RNF38: variants seen among roughly 807,000 people sequenced by gnomAD.
RNF38 encodes ring finger protein 38.
RNF38 carries 15 observed loss-of-function variants against 67.2 expected under a neutral mutation model. The ratio of observed to expected loss-of-function variants is 0.22; its 90% CI spans 0.15 to 0.34. The LOEUF (loss-of-function observed/expected upper bound fraction) is 0.34. Among genes scored for constraint, RNF38 ranks in the 10% least tolerant of loss-of-function variants. RNF38 has a pLI of 1.00. For missense variants in RNF38, 524 were observed against 639.9 expected, an observed-to-expected ratio of 0.82 and a Z score of 1.95; for synonymous variants, 220 against 218.8, an observed-to-expected ratio of 1.01 and a Z score of -0.05.
chr9:36,440,191 A>G lies in RNF38; in HGVS notation n.242-15508T>C, dbSNP rs10972904. Among the ~76,000 whole-genome samples, 179 of 152,326 alleles carry G rather than the reference A, an allele frequency of 1.2e-3. 2 individuals carry two copies. In the East Asian group the frequency reaches 0.027, roughly 23 times the overall value. Reference sequence around the variant, plus strand: ...AATCTGGGAGGTAGAGGTTGCAGTGAGCTGAGATCATGCCACTACACTACA... The same window carrying G: ...AATCTGGGAGGTAGAGGTTGCAGTGGGCTGAGATCATGCCACTACACTACA... On this transcript the variant is annotated intron_variant and non_coding_transcript_variant, in intron 1 of 3. Transcript: ENST00000488058.
chr9:36,445,423 T>C (rs1018299500), intron 1 of RNF38, among the ~76,000 whole-genome samples: 1 of 152,262 alleles, frequency 6.6e-6, no homozygotes, highest in African/African-American at 2.4e-5. Context: ...ATTACTTATT[T>C]GTTGCATTCT....
chr9:36,457,872 A>G (rs935879616), intron 1 of RNF38, among the ~76,000 whole-genome samples: 6 of 152,170 alleles, frequency 3.9e-5, no homozygotes, highest in African/African-American at 1.4e-4. Flanking sequence ...AGGGGACTTC[A>G]GGAGGTCTAC....
intron 1 of RNF38, among the ~76,000 whole-genome samples, chr9:36,393,520 TGTGG>T (rs61639560): frequency 0.051 from 7,045 of 137,892 alleles, 219 homozygotes; most frequent in Non-Finnish European, 0.066. Flanking sequence ...TGTGTGTGTG[TGTGG>T]GGCAGGCAGT....
chr9:36,419,694 C>A (rs182467728), intron 2 of RNF38, among the ~76,000 whole-genome samples: 353 of 152,254 alleles, frequency 2.3e-3, no homozygotes, highest in Admixed American at 9.0e-3. Flanking sequence ...GGTGGCACGG[C>A]ATCTGTATTC....
intron 1 of RNF38, among the ~76,000 whole-genome samples, chr9:36,430,732 G>A (rs556644489): frequency 2.0e-5 from 3 of 151,992 alleles, no homozygotes; most frequent in South Asian, 2.1e-4. Flanking sequence ...TGAGGACTTC[G>A]GGCGGCGGGG....
At chr9:36,361,917 T>C (rs143744317) in intron 4 of RNF38, among the ~76,000 whole-genome samples, 64 of 152,306 alleles carry the variant, frequency 4.2e-4, no homozygotes, top group African/African-American at 1.5e-3. Flanking sequence ...ATGGGTTAAC[T>C]GCAAGACATA....
At chr9:36,385,359 T>G (rs1836528781) in intron 2 of RNF38, among the ~76,000 whole-genome samples, 3 of 149,892 alleles carry the variant, frequency 2.0e-5, no homozygotes, top group African/African-American at 4.9e-5. Context: ...GGTGGTCTGC[T>G]GCTGGTCTGA....
chr9:36,449,698 G>A (rs1007712126), intron 1 of RNF38, among the ~76,000 whole-genome samples: 2 of 152,126 alleles, frequency 1.3e-5, no homozygotes, highest in African/African-American at 4.8e-5. Flanking sequence ...GCCTCCCAAA[G>A]TGCTGGGATT....
chr9:36,464,267 A>G (rs1415352140), intron 1 of RNF38, among the ~76,000 whole-genome samples: 2 of 150,782 alleles, frequency 1.3e-5, no homozygotes. Flanking sequence ...AGCCTTAATT[A>G]TAATTTGAAA....
chr9:36,352,796 GATCGGT>G lies in RNF38; in HGVS notation c.1118_1123del (p.Tyr373_Arg374del). 1 of 1,614,058 alleles carries G rather than the reference GATCGGT, an allele frequency of 6.2e-7. No homozygotes were observed. Among genetic ancestry groups the G allele is most frequent in the Non-Finnish European group, 8.5e-7 (1 of 1,179,976 alleles). On this transcript the variant is annotated inframe_deletion, in exon 8 of 12. Transcript: ENST00000259605. The stretch of plus-strand genomic sequence containing the variant: ...AGGGGGAGGTGGTATTGGCTGCTGG[GATCGGT>G]ATCTACTACGTCCTGTAAGCCTCCG...
Position 36,418,656 on chromosome 9 carries a change from C to A in RNF38, n.312+5957G>T, listed in dbSNP as rs573051609. ...CAAAAATTAGCCAAATGTGGTGGTA[C>A]GCGCCTGTAATCCCAGCAACTCAGG... On this transcript the variant is annotated intron_variant and non_coding_transcript_variant, in intron 2 of 3. Coordinates refer to the RNF38 transcript ENST00000488058. Among the ~76,000 whole-genome samples the A allele has an allele frequency of 6.6e-5, 10 of 152,014 alleles. 1 individual carries two copies. Among genetic ancestry groups the A allele is most frequent in the Admixed American group, 5.2e-4 (8 of 15,262 alleles).
At chr9:36,341,574 A>G (rs1291990590) in intron 11 of RNF38, among the ~76,000 whole-genome samples, 1 of 152,026 alleles carries the variant, frequency 6.6e-6, no homozygotes, top group Non-Finnish European at 1.5e-5. Context: ...CAGCTTTTGT[A>G]AACTTTTTTT....
At chr9:36,420,798 C>T (rs1237993319) in intron 2 of RNF38, among the ~76,000 whole-genome samples, 1 of 151,832 alleles carries the variant, frequency 6.6e-6, no homozygotes, top group East Asian at 1.9e-4. Flanking sequence ...GCCCTGTGAA[C>T]GAATGTAAAA....
chr9:36,399,609 T>C (rs111808511), intron 1 of RNF38, among the ~76,000 whole-genome samples: 2 of 151,300 alleles, frequency 1.3e-5, no homozygotes, highest in African/African-American at 4.9e-5. Context: ...AGTCAGAAAT[T>C]TCATCTTTTT....
chr9:36,449,581 G>C (rs376721957), intron 1 of RNF38, among the ~76,000 whole-genome samples: 1 of 152,122 alleles, frequency 6.6e-6, no homozygotes, highest in Non-Finnish European at 1.5e-5. Flanking sequence ...GACTACAGGC[G>C]CGTGCCAACA....
At chr9:36,473,452 G>C (rs1327941899) in intron 1 of RNF38, among the ~76,000 whole-genome samples, 1 of 152,040 alleles carries the variant, frequency 6.6e-6, no homozygotes, top group Non-Finnish European at 1.5e-5. Context: ...GCCAGGCATG[G>C]TGGTGCGCAC....
intron 2 of RNF38, among the ~76,000 whole-genome samples, chr9:36,408,782 G>C (rs1838245486): frequency 6.6e-6 from 1 of 152,160 alleles, no homozygotes; most frequent in African/African-American, 2.4e-5. Context: ...AGAAAAGCAA[G>C]CGCTCAAATC....
At chr9:36,340,120 C>CA (rs1207380204) in intron 11 of RNF38, among the ~76,000 whole-genome samples, 1 of 152,112 alleles carries the variant, frequency 6.6e-6, no homozygotes, top group East Asian at 1.9e-4. Context: ...GCTGAGATTA[C>CA]AGGTGCCCAC....
intron 2 of RNF38, among the ~76,000 whole-genome samples, chr9:36,377,548 T>C (rs1212677406): frequency 6.6e-6 from 1 of 152,184 alleles, no homozygotes; most frequent in Non-Finnish European, 1.5e-5. Flanking sequence ...ATAATTAAAA[T>C]ACAAAACACA....
Sources: gnomAD v4.1 joint callset for allele counts (sites outside exome capture counted in the v4.1 genomes callset) on GRCh38, gnomAD v4.1.1 for gene constraint, MANE v1.5 for transcripts, NCBI Gene and HGNC (gene_info 2026-07-23, HGNC 2026-07-21) for gene names.